The following POLR2C variants were observed in gnomAD, a reference collection of about 807,000 sequenced individuals.
POLR2C encodes RNA polymerase II subunit C.
A neutral mutation model predicts 41.7 loss-of-function variants in POLR2C; 36 were observed. The ratio of observed to expected loss-of-function variants is 0.86; its 90% CI spans 0.66 to 1.14. The LOEUF (loss-of-function observed/expected upper bound fraction) is 1.14. Among genes scored for constraint, POLR2C ranks in the 50% most tolerant of loss-of-function variants. The pLI is 0.00. For synonymous variants in POLR2C, 133 were observed against 137.8 expected, an observed-to-expected ratio of 0.96 and a Z score of 0.25; for missense variants, 260 against 350.4, an observed-to-expected ratio of 0.74 and a Z score of 2.06.
rs370895327 is a variant in POLR2C, at chr16:57,468,394, C to T, written c.259-771C>T. ...TACCTCACCTGTGTGTGACTGCAGA[C>T]GACCTAGGTGGGACCTCTAGCTGCT... On this transcript the variant is annotated intron_variant, in intron 4 of 8. Transcript: ENST00000219252. Among the ~76,000 whole-genome samples, 32 of 152,308 alleles carry T rather than the reference C, an allele frequency of 2.1e-4. 2 individuals are homozygous for T. The highest frequency in any genetic ancestry group is 1.5e-3 in the Admixed American group (23 of 15,308).
In POLR2C at chr16:57,471,610, G is replaced by A. The variant is rs1272311244; in HGVS notation, c.*491G>A. 1.9e-5 allele frequency: 3 copies of A among 154,722 alleles called. No homozygotes were observed. The highest frequency in any genetic ancestry group is 4.8e-5 in the African/African-American group (2 of 41,478). 9.6% of individuals were successfully genotyped at this position (154,722 alleles called of 1,614,324 possible). A position where few individuals can be genotyped will look rare whatever the true frequency, so the allele number is the denominator to read the frequency against. On this transcript the variant is annotated 3_prime_UTR_variant, in exon 9 of 9. Transcript: ENST00000219252. The stretch of plus-strand genomic sequence containing the variant: ...TCAAATTCCCAGGTGTCCCTAATTT[G>A]AGAAGTAACCTTTTGGAATAGCATT...
Position 57,471,140 on chromosome 16 carries a change from C to A in POLR2C, c.*21C>A. ...ATTAACTGCAGCTTGCCTGCTTCAGCAAAAACGGAGATTCAGGCCAGCAGC... is the reference window on the plus strand; with the variant it reads ...ATTAACTGCAGCTTGCCTGCTTCAGAAAAAACGGAGATTCAGGCCAGCAGC... On this transcript the variant is annotated 3_prime_UTR_variant, in exon 9 of 9. Coordinates refer to ENST00000219252, the MANE Select transcript of POLR2C (RefSeq NM_032940.3). 1 of 1,609,508 alleles carries A rather than the reference C, an allele frequency of 6.2e-7. No individual in the cohort carries two copies. The highest frequency in any genetic ancestry group is 1.1e-5 in the South Asian group (1 of 90,946).
intron 1 of POLR2C, 86 bp from the exon 2 acceptor site, chr16:57,462,943 A>T: frequency 8.0e-7 from 1 of 1,250,302 alleles, no homozygotes; most frequent in African/African-American, 2.0e-5. Flanking sequence ...CCCCTGCACC[A>T]GGGCTTTAGC....
intron 2 of POLR2C, among the ~76,000 whole-genome samples, chr16:57,464,492 A>G (rs1448333704): frequency 6.6e-6 from 1 of 152,228 alleles, no homozygotes; most frequent in Non-Finnish European, 1.5e-5. Flanking sequence ...CATTGATTAT[A>G]CTTGTATGAA....
At chr16:57,467,466 G>C (rs2030738254) in intron 4 of POLR2C, among the ~76,000 whole-genome samples, 1 of 152,138 alleles carries the variant, frequency 6.6e-6, no homozygotes, top group Non-Finnish European at 1.5e-5. Flanking sequence ...TCACCTAGCA[G>C]TTCCTTTCAT....
intron 8 of POLR2C, 149 bp from the exon 9 acceptor site, chr16:57,470,826 T>C: frequency 4.3e-6 from 3 of 698,646 alleles, no homozygotes; most frequent in Non-Finnish European, 4.9e-6. Context: ...ATGTAAGAGG[T>C]TTTACATGAA....
At position 57,469,621 on chromosome 16, in the gene POLR2C, A is replaced by T; in HGVS notation, c.388-89A>T. 2 of 1,112,800 alleles carry T rather than the reference A, an allele frequency of 1.8e-6. No homozygotes were observed. The highest frequency in any genetic ancestry group is 2.8e-6 in the Non-Finnish European group (2 of 726,370). The allele number at this position is 1,112,800 out of a possible 1,614,324, so 68.9% of individuals were successfully genotyped here. A position where few individuals can be genotyped will look rare whatever the true frequency, so the allele number is the denominator to read the frequency against. Reference sequence around the variant, plus strand: ...CAGGTGTTCGTTCCCTGGTTGACAGATTGCAGTCTAGAGGTGCTGGGATAT... The same window carrying T: ...CAGGTGTTCGTTCCCTGGTTGACAGTTTGCAGTCTAGAGGTGCTGGGATAT... On this transcript the variant is annotated intron_variant, in intron 5 of 8. Coordinates refer to ENST00000219252, the MANE Select transcript of POLR2C (RefSeq NM_032940.3). The surrounding 1 kb of genome is among the most constrained non-coding windows in gnomAD (Gnocchi z 5.8).
chr16:57,468,100 C>A (rs2030751102), intron 4 of POLR2C, among the ~76,000 whole-genome samples: 1 of 152,210 alleles, frequency 6.6e-6, no homozygotes, highest in African/African-American at 2.4e-5. Context: ...ACCTCAGCCT[C>A]TGGGCTCAAA....
At chr16:57,465,643 G>A in intron 2 of POLR2C, 1 of 291,034 alleles carries the variant, frequency 3.4e-6, no homozygotes, top group East Asian at 7.9e-5. Context: ...ACAGGTAGCA[G>A]ATTTAAGTGC....
intron 2 of POLR2C, among the ~76,000 whole-genome samples, chr16:57,465,382 T>C (rs2030680632): frequency 6.6e-6 from 1 of 152,236 alleles, no homozygotes; most frequent in Non-Finnish European, 1.5e-5. Context: ...GCATGTGTGA[T>C]CGATAATACA....
Position 57,469,806 on chromosome 16 carries a change from G to A in POLR2C, c.439+45G>A. On this transcript the variant is annotated intron_variant, in intron 6 of 8. Coordinates refer to ENST00000219252, the MANE Select transcript of POLR2C (RefSeq NM_032940.3). This position sits in a 1 kb window ranked among gnomAD's most constrained non-coding sequence, Gnocchi z 5.8. The stretch of plus-strand genomic sequence containing the variant: ...CACCGTGTGGGCCAGCGGGAAGGAG[G>A]GACCAGACACAGCCTCTCGTGCTGC... 1 of 1,589,546 alleles carries A rather than the reference G, an allele frequency of 6.3e-7. No individual in the cohort carries two copies. Among genetic ancestry groups the A allele is most frequent in the Non-Finnish European group, 8.6e-7 (1 of 1,158,760 alleles).
At chr16:57,468,998 G>A (rs1425684712) in intron 4 of POLR2C, among the ~76,000 whole-genome samples, 167 bp from the exon 5 acceptor site, 2 of 152,196 alleles carry the variant, frequency 1.3e-5, no homozygotes, top group African/African-American at 4.8e-5. Context: ...CATGAGAATG[G>A]TATACCAGAT....
In POLR2C at chr16:57,469,117, G is replaced by A; in HGVS notation, c.259-48G>A. On this transcript the variant is annotated intron_variant, in intron 4 of 8. Transcript: ENST00000219252. The surrounding 1 kb of genome is among the most constrained non-coding windows in gnomAD (Gnocchi z 5.8). ...AAGCCAAGACAAGGAGCCAAGGCAGGAGTTGCCATCTCCCTTTGACTCATT... is the reference window on the plus strand; with the variant it reads ...AAGCCAAGACAAGGAGCCAAGGCAGAAGTTGCCATCTCCCTTTGACTCATT... 1 of 1,590,126 alleles carries A rather than the reference G, an allele frequency of 6.3e-7. No individual in the cohort carries two copies. Among genetic ancestry groups the A allele is most frequent in the Non-Finnish European group, 8.6e-7 (1 of 1,162,848 alleles).
chr16:57,471,026 C>G lies in POLR2C; in HGVS notation c.735C>G (p.Val245=), dbSNP rs953424214. The G allele has an allele frequency of 3.3e-5, 53 of 1,613,524 alleles. No individual in the cohort carries two copies. Among genetic ancestry groups the G allele is most frequent in the Non-Finnish European group, 4.2e-5 (49 of 1,179,522 alleles). Residue 245 remains valine, a synonymous_variant, in exon 9 of 9, where the codon GTC becomes GTG. Transcript: ENST00000219252. ...GCTCTCTGCGTCCTGAAACCATTGT[C>G]CTGTCAGCCCTCTCAGGATTGAAGA... is the stretch of plus-strand genomic sequence containing the variant. ...SCGSLRPETI[V]LSALSGLKKK...
In POLR2C at chr16:57,471,453, C is replaced by G. The variant is rs1483302087; in HGVS notation, c.*334C>G. ...GTTAGTCCAGCTCTTTACTCTAAAC[C>G]CTTTCTGTCCAAAATGAGTCATTTT... On this transcript the variant is annotated 3_prime_UTR_variant, in exon 9 of 9. Coordinates refer to ENST00000219252, the MANE Select transcript of POLR2C (RefSeq NM_032940.3). 9.1e-5 allele frequency: 20 copies of G among 218,660 alleles called. No homozygotes were observed. The highest frequency in any genetic ancestry group is 3.4e-4 in the African/African-American group (15 of 44,088). The allele number at this position is 218,660 out of a possible 1,614,324, so 13.5% of individuals were successfully genotyped here.
chr16:57,465,703 A>G (rs1295825649), intron 2 of POLR2C: 2 of 452,280 alleles, frequency 4.4e-6, no homozygotes, highest in Non-Finnish European at 7.8e-6. Flanking sequence ...CTTCTATGAT[A>G]TTCTATAAGT....
At chr16:57,468,219 A>G (rs2030752886) in intron 4 of POLR2C, among the ~76,000 whole-genome samples, 1 of 152,030 alleles carries the variant, frequency 6.6e-6, no homozygotes, top group African/African-American at 2.4e-5. Context: ...GTCTTGCCAT[A>G]TTGCCCAGGC....
Position 57,469,484 on chromosome 16 carries a change from C to G in POLR2C, c.387+191C>G. 1.4e-6 allele frequency: 1 copy of G among 729,060 alleles called. No individual in the cohort carries two copies. The highest frequency in any genetic ancestry group is 2.4e-6 in the Non-Finnish European group (1 of 420,348). The allele number at this position is 729,060 out of a possible 1,614,324, so 45.2% of individuals were successfully genotyped here. The stretch of plus-strand genomic sequence containing the variant: ...CGTTAGCATCGTTGGTGCTGCGCAC[C>G]CTCTATCACCCAGGGACTCTTTTAA... On this transcript the variant is annotated intron_variant, in intron 5 of 8. Transcript: ENST00000219252. This position sits in a 1 kb window ranked among gnomAD's most constrained non-coding sequence, Gnocchi z 5.8.
chr16:57,464,868 G>C (rs192254153), intron 2 of POLR2C, among the ~76,000 whole-genome samples: 1 of 152,238 alleles, frequency 6.6e-6, no homozygotes, highest in Admixed American at 6.5e-5. Context: ...ACCCATGCTA[G>C]GAATACAAAG....
Sources: gnomAD v4.1 joint callset for allele counts (sites outside exome capture counted in the v4.1 genomes callset) on GRCh38, gnomAD v4.1.1 for gene constraint, Gnocchi (gnomAD v3.1) non-coding constraint, MANE v1.5 for transcripts, NCBI Gene and HGNC (gene_info 2026-07-23, HGNC 2026-07-21) for gene names.